PRICKLE1: variants seen among roughly 807,000 people sequenced by gnomAD.
PRICKLE1 encodes prickle planar cell polarity protein 1.
A neutral mutation model predicts 70.2 loss-of-function variants in PRICKLE1; 14 were observed. That is an observed-to-expected ratio of 0.20 (90% CI 0.13 to 0.31). The LOEUF (loss-of-function observed/expected upper bound fraction) is 0.31. Among genes scored for constraint, PRICKLE1 ranks in the 10% least tolerant of loss-of-function variants. The pLI is 1.00. For synonymous variants in PRICKLE1, 357 were observed against 379.9 expected (o/e 0.94, Z 0.70); for missense variants, 821 against 1,026.2 (o/e 0.80, Z 2.73).
intron 7 of PRICKLE1, among the ~76,000 whole-genome samples, chr12:42,461,314 T>TAA (rs1405594763): frequency 1.3e-5 from 2 of 152,228 alleles, no homozygotes; most frequent in Admixed American, 6.5e-5. Flanking sequence ...TAGAAGCTTC[T>TAA]GCTCCTCAAT....
intron 5 of PRICKLE1, among the ~76,000 whole-genome samples, chr12:42,468,123 A>C (rs1166698053): frequency 6.6e-6 from 1 of 152,348 alleles, no homozygotes; most frequent in Admixed American, 6.5e-5. Flanking sequence ...TAAATCTAAA[A>C]TTATTTTAAA....
chr12:42,503,300 C>T (rs1939348151), intron 1 of PRICKLE1, among the ~76,000 whole-genome samples: 1 of 151,996 alleles, frequency 6.6e-6, no homozygotes, highest in African/African-American at 2.4e-5. Context: ...AGCCTTTTGA[C>T]AACATTTCAC....
intron 1 of PRICKLE1, among the ~76,000 whole-genome samples, chr12:42,518,627 C>T (rs1939651987): frequency 6.6e-6 from 1 of 152,182 alleles, no homozygotes; most frequent in Admixed American, 6.6e-5. Flanking sequence ...TTGCATCTGT[C>T]TTCCAACCTT....
At chr12:42,468,601 T>G in intron 5 of PRICKLE1, 25 bp downstream of exon 5, 1 of 1,606,710 alleles carries the variant, frequency 6.2e-7, no homozygotes, top group East Asian at 2.2e-5. Flanking sequence ...TTTTTCCCAG[T>G]GTGAAAGGAT....
At chr12:42,518,069 T>C (rs1939640535) in intron 1 of PRICKLE1, among the ~76,000 whole-genome samples, 1 of 151,914 alleles carries the variant, frequency 6.6e-6, no homozygotes, top group Admixed American at 6.6e-5. Flanking sequence ...ACTGTAAAAG[T>C]TGGTTAAATT....
chr12:42,462,923 T>C (rs979896046), intron 7 of PRICKLE1, among the ~76,000 whole-genome samples: 4 of 152,260 alleles, frequency 2.6e-5, no homozygotes, highest in Non-Finnish European at 4.4e-5. Context: ...CTTTTGGTAA[T>C]TCAAGTTTCC....
At chr12:42,565,665 C>A (rs1419139531) in intron 1 of PRICKLE1, among the ~76,000 whole-genome samples, 2 of 152,194 alleles carry the variant, frequency 1.3e-5, no homozygotes, top group African/African-American at 4.8e-5. Flanking sequence ...GTTATGTGTA[C>A]TTGATTAGAT....
intron 1 of PRICKLE1, among the ~76,000 whole-genome samples, chr12:42,502,079 T>A (rs1182863984): frequency 1.2e-4 from 19 of 152,012 alleles, no homozygotes; most frequent in Non-Finnish European, 5.9e-5. Flanking sequence ...TTTATAGTTT[T>A]CTGTTTGTGT....
chr12:42,562,157 G>C (rs1422813626), intron 1 of PRICKLE1, among the ~76,000 whole-genome samples: 1 of 151,966 alleles, frequency 6.6e-6, no homozygotes, highest in Non-Finnish European at 1.5e-5. Context: ...TGATCCGCTC[G>C]CCTTGGTCTC....
intron 1 of PRICKLE1, among the ~76,000 whole-genome samples, chr12:42,585,870 A>G (rs1451050105): frequency 6.6e-6 from 1 of 152,120 alleles, no homozygotes; most frequent in Non-Finnish European, 1.5e-5. Flanking sequence ...GTGTCCAGAG[A>G]TGGGGAAGTC....
chr12:42,563,401 T>TA (rs201557855), intron 1 of PRICKLE1, among the ~76,000 whole-genome samples: 14 of 149,522 alleles, frequency 9.4e-5, no homozygotes, highest in East Asian at 1.9e-4. Flanking sequence ...TTGGAGTTTT[T>TA]AAAAAAAAAA....
intron 7 of PRICKLE1, among the ~76,000 whole-genome samples, chr12:42,461,702 G>A (rs536485199): frequency 1.0e-3 from 153 of 152,258 alleles, no homozygotes; most frequent in Non-Finnish European, 1.5e-3. Flanking sequence ...AACAGATATT[G>A]ATCTCTTTTG....
intron 1 of PRICKLE1, among the ~76,000 whole-genome samples, chr12:42,569,525 T>C (rs1406031330): frequency 2.0e-5 from 3 of 152,256 alleles, no homozygotes; most frequent in Non-Finnish European, 4.4e-5. Flanking sequence ...TATATTTAAC[T>C]ATCTGGACTC....
At chr12:42,521,595 G>A (rs1041652142) in intron 1 of PRICKLE1, among the ~76,000 whole-genome samples, 8 of 152,054 alleles carry the variant, frequency 5.3e-5, no homozygotes, top group African/African-American at 1.9e-4. Flanking sequence ...AGCTACTCTG[G>A]AGGCTGAGGT....
intron 1 of PRICKLE1, among the ~76,000 whole-genome samples, chr12:42,531,239 G>T (rs942772485): frequency 1.3e-5 from 2 of 150,222 alleles, no homozygotes; most frequent in African/African-American, 2.5e-5. Context: ...GTAGAGTCGG[G>T]GTTTCACCGT....
At chr12:42,537,392 T>G (rs1188257867) in intron 1 of PRICKLE1, among the ~76,000 whole-genome samples, 1 of 152,118 alleles carries the variant, frequency 6.6e-6, no homozygotes. Context: ...CTCGAACTCC[T>G]GGGCTCAAGC....
intron 1 of PRICKLE1, among the ~76,000 whole-genome samples, chr12:42,557,004 T>A (rs1940423926): frequency 6.6e-6 from 1 of 151,428 alleles, no homozygotes; most frequent in Non-Finnish European, 1.5e-5. Flanking sequence ...TTTTTTTTTT[T>A]AAAGAGGCAG....
intron 1 of PRICKLE1, among the ~76,000 whole-genome samples, chr12:42,582,470 C>G (rs1940918323): frequency 6.6e-6 from 1 of 152,206 alleles, no homozygotes; most frequent in Non-Finnish European, 1.5e-5. Flanking sequence ...TCAGACCTAA[C>G]TTTATCTCTT....
intron 4 of PRICKLE1, 105 bp from the exon 5 acceptor site, chr12:42,468,934 T>C (rs1938212039): frequency 2.6e-6 from 3 of 1,171,832 alleles, no homozygotes; most frequent in Non-Finnish European, 2.5e-6. Flanking sequence ...AATGTATTTA[T>C]TTTTGCTACC....
Sources: gnomAD v4.1 joint callset for allele counts (sites outside exome capture counted in the v4.1 genomes callset) on GRCh38, gnomAD v4.1.1 for gene constraint, MANE v1.5 for transcripts, NCBI Gene and HGNC (gene_info 2026-07-23, HGNC 2026-07-21) for gene names.